The following GSE1 variants were observed in gnomAD, a reference collection of about 807,000 sequenced individuals.
GSE1 encodes genetic suppressor element 1.
GSE1 carries 32 observed loss-of-function variants against 112.6 expected under a neutral mutation model. The observed-to-expected ratio is 0.28, with a 90% CI of 0.21 to 0.38. The LOEUF (loss-of-function observed/expected upper bound fraction) is 0.38, where lower values mean the gene tolerates loss of function less well. GSE1 is among the 10% of genes least tolerant of loss of function. GSE1 has a pLI of 1.00. For missense variants in GSE1, 2,348 were observed against 1,699.2 expected (o/e 1.38, Z -6.71); for synonymous variants, 1,115 against 735.6 (o/e 1.52, Z -8.35).
chr16:85,528,037 G>A (rs1255750216), intron 2 of GSE1, among the ~76,000 whole-genome samples: 2 of 152,242 alleles, frequency 1.3e-5, no homozygotes, highest in African/African-American at 4.8e-5. Context: ...GAGGTGGGCA[G>A]GGGTGTGGGG....
intron 2 of GSE1, among the ~76,000 whole-genome samples, chr16:85,454,704 G>A (rs1319194433): frequency 2.6e-5 from 4 of 152,298 alleles, no homozygotes; most frequent in Middle Eastern, 3.4e-3. Flanking sequence ...TGGCGGTGCC[G>A]GCCATGCTTG....
chr16:85,376,104 C>A (rs7185175), intron 2 of GSE1, among the ~76,000 whole-genome samples: 2,934 of 152,232 alleles, frequency 0.019, 89 homozygotes, highest in African/African-American at 0.067. Context: ...ACGGTCCTCA[C>A]CCCCGCCAAA....
At chr16:85,631,809 T>A (rs972902809) in intron 1 of GSE1, among the ~76,000 whole-genome samples, 13 of 152,170 alleles carry the variant, frequency 8.5e-5, no homozygotes, top group Non-Finnish European at 1.9e-4. Context: ...CCCCAAAAGG[T>A]TGTTCAGCCA....
At chr16:85,424,725 G>A (rs2054704) in intron 2 of GSE1, among the ~76,000 whole-genome samples, 93,617 of 152,236 alleles carry the variant, frequency 0.61, 32,207 homozygotes, top group Non-Finnish European at 0.76. Context: ...TGACAGGCGC[G>A]AGGGCTCCTC....
At chr16:85,591,543 G>A (rs1279572567) in intron 1 of GSE1, among the ~76,000 whole-genome samples, 2 of 152,190 alleles carry the variant, frequency 1.3e-5, no homozygotes, top group East Asian at 3.9e-4. Flanking sequence ...GCTGGGGAGG[G>A]GTCCTGGAGG....
intron 2 of GSE1, among the ~76,000 whole-genome samples, chr16:85,382,744 C>G (rs1167642932): frequency 6.6e-6 from 1 of 151,330 alleles, no homozygotes; most frequent in Non-Finnish European, 1.5e-5. Flanking sequence ...TGTGCACACT[C>G]AAGCATGTGC....
intron 1 of GSE1, among the ~76,000 whole-genome samples, chr16:85,182,779 T>C (rs1322283791): frequency 6.6e-6 from 1 of 152,020 alleles, no homozygotes; most frequent in Non-Finnish European, 1.5e-5. Flanking sequence ...GGACAGTGGA[T>C]TGTTGACGGC....
intron 1 of GSE1, among the ~76,000 whole-genome samples, chr16:85,193,024 C>T (rs1022787897): frequency 9.2e-5 from 14 of 152,180 alleles, no homozygotes; most frequent in African/African-American, 2.7e-4. Flanking sequence ...GGCTCTTCCC[C>T]CGGCATCTGG....
chr16:85,462,849 GCGCCCCGGCCCCTCCCCGGGCTCCA>G (rs1158307971), intron 2 of GSE1, among the ~76,000 whole-genome samples: 3 of 146,302 alleles, frequency 2.1e-5, no homozygotes, highest in African/African-American at 7.4e-5. Flanking sequence ...GGGCCCCCAG[GCGCCCCGGCCCCTCCCCGGGCTCCA>G]CGCCGCGGGC....
intron 2 of GSE1, among the ~76,000 whole-genome samples, chr16:85,538,147 C>G (rs140947198): frequency 6.6e-6 from 1 of 152,342 alleles, no homozygotes; most frequent in Admixed American, 6.5e-5. Context: ...AAGAGAGGCA[C>G]GCTGGCCGTT....
chr16:85,275,515 A>G (rs12599745), intron 1 of GSE1, among the ~76,000 whole-genome samples: 22,881 of 152,226 alleles, frequency 0.15, 2,250 homozygotes, highest in East Asian at 0.37. Flanking sequence ...TCGACAAGCC[A>G]CCGAGTTCAA....
At chr16:85,255,603 C>G (rs559860056) in intron 1 of GSE1, among the ~76,000 whole-genome samples, 10 of 151,938 alleles carry the variant, frequency 6.6e-5, no homozygotes, top group Admixed American at 1.3e-4. Context: ...GAGGGTTTCA[C>G]CATGTTGGCA....
Position 85,662,837 on chromosome 16 carries a change from G to A in GSE1, c.2261-144G>A, listed in dbSNP as rs149741201. 541 of 617,134 alleles carry A rather than the reference G, an allele frequency of 8.8e-4. 2 individuals carry two copies. Among genetic ancestry groups the A allele is most frequent in the African/African-American group, 8.4e-3 (457 of 54,526 alleles). The allele number at this position is 617,134 out of a possible 1,614,324, so 38.2% of individuals were successfully genotyped here. A position where few individuals can be genotyped will look rare whatever the true frequency, so the allele number is the denominator to read the frequency against. On this transcript the variant is annotated intron_variant, in intron 9 of 15. Coordinates refer to ENST00000253458, the MANE Select transcript of GSE1 (RefSeq NM_014615.5). ...CTGGGTTAATGTTGGTTTCCACCTC[G>A]GTTGAAAGGAACTGGCCTTCAGGGT...
At chr16:85,519,297 C>T (rs1317209635) in intron 2 of GSE1, among the ~76,000 whole-genome samples, 6 of 131,606 alleles carry the variant, frequency 4.6e-5, no homozygotes, top group East Asian at 2.8e-4. Context: ...CCACCATCAC[C>T]GGTCTCCATC....
chr16:85,264,521 A>G (rs1477552239), intron 1 of GSE1, among the ~76,000 whole-genome samples: 1 of 151,936 alleles, frequency 6.6e-6, no homozygotes, highest in Non-Finnish European at 1.5e-5. Context: ...TGCACCTGCC[A>G]CTCGCTGAAG....
At chr16:85,630,655 G>C (rs993352303) in intron 1 of GSE1, among the ~76,000 whole-genome samples, 3 of 152,214 alleles carry the variant, frequency 2.0e-5, no homozygotes, top group South Asian at 2.1e-4. Flanking sequence ...TATCTTAGCT[G>C]TGTGTGGTGC....
intron 1 of GSE1, among the ~76,000 whole-genome samples, chr16:85,625,199 C>T (rs975229591): frequency 1.3e-5 from 2 of 152,198 alleles, no homozygotes; most frequent in Admixed American, 1.3e-4. Context: ...CCGCCGCCCT[C>T]CTCTCCAGCC....
chr16:85,187,442 G>A (rs1379079162), intron 1 of GSE1, among the ~76,000 whole-genome samples: 2 of 152,204 alleles, frequency 1.3e-5, no homozygotes, highest in Non-Finnish European at 2.9e-5. Context: ...AGAGAGAGAA[G>A]GAGTTAAAAA....
At chr16:85,340,297 C>T (rs536616165) in intron 1 of GSE1, among the ~76,000 whole-genome samples, 28 of 152,242 alleles carry the variant, frequency 1.8e-4, no homozygotes, top group South Asian at 8.3e-4. Context: ...CTGCAGTGAG[C>T]GGTGATTGCA....
Sources: gnomAD v4.1 joint callset for allele counts (sites outside exome capture counted in the v4.1 genomes callset) on GRCh38, gnomAD v4.1.1 for gene constraint, MANE v1.5 for transcripts, NCBI Gene and HGNC (gene_info 2026-07-23, HGNC 2026-07-21) for gene names.